The following MUC3A variants were observed in gnomAD, a reference collection of about 807,000 sequenced individuals.
MUC3A encodes mucin 3A, cell surface associated.
In MUC3A, 109 loss-of-function variants were observed where a neutral mutation model predicts 109.0. That is an observed-to-expected ratio of 1.00 (90% CI 0.86 to 1.17). The LOEUF (loss-of-function observed/expected upper bound fraction) is 1.17. Among genes scored for constraint, MUC3A ranks in the 50% most tolerant of loss-of-function variants. The pLI, the probability that MUC3A is intolerant of heterozygous loss-of-function variation, is 0.00. For synonymous variants in MUC3A, 1,398 were observed against 981.4 expected, an observed-to-expected ratio of 1.42 and a Z score of -7.93; for missense variants, 3,537 against 2,469.4, an observed-to-expected ratio of 1.43 and a Z score of -9.16.
intron 8 of MUC3A, 175 bp downstream of exon 8, chr7:100,966,041 T>G (rs1458054792): frequency 7.3e-5 from 22 of 300,538 alleles, no homozygotes; most frequent in Non-Finnish European, 1.1e-4. Context: ...GCCCTGGAGC[T>G]CTGCTCCTTT....
intron 8 of MUC3A, 89 bp from the exon 9 acceptor site, chr7:100,966,296 CG>C: frequency 8.0e-7 from 1 of 1,243,014 alleles, no homozygotes; most frequent in Non-Finnish European, 1.0e-6. Context: ...GCTGGAGCCC[CG>C]CCCCCTCACC....
Position 100,960,541 on chromosome 7 carries a change from AG to A in MUC3A, c.8763del (p.Thr2922HisfsTer24). 6.3e-7 allele frequency: 1 copy of A among 1,598,736 alleles called. No homozygotes were observed. Among genetic ancestry groups the A allele is most frequent in the Non-Finnish European group, 8.5e-7 (1 of 1,179,818 alleles). ...HPSPPTTRTS[E>X]TPVATTQTPT... ...TCCCCACCCACCACTAGGACTTCAG[AG>A]ACACCAGTGGCCACTACCCAGACTC... On this transcript the variant is annotated frameshift_variant, in exon 2 of 12. Coordinates refer to ENST00000379458, the MANE Select transcript of MUC3A (RefSeq NM_005960.2). LOFTEE classifies it high-confidence loss of function.
chr7:100,960,698 T>C (rs1792296891), intron 2 of MUC3A, 53 bp downstream of exon 2: 1 of 1,592,942 alleles, frequency 6.3e-7, no homozygotes, highest in South Asian at 1.1e-5. Flanking sequence ...AAAATTCCTG[T>C]GTCACTGAGG....
At position 100,957,616 on chromosome 7, in the gene MUC3A, C is replaced by T. The variant is rs1792135720; in HGVS notation, c.5837C>T (p.Thr1946Ile). The change falls in exon 2 of 12, where the codon ACC (threonine) becomes ATC (isoleucine). Residue 1946 changes from threonine (T) to isoleucine (I), a missense_variant. Transcript: ENST00000379458. ...ACTCCCAGATTCACTTCTTCAATCACCAATACCAAGACCACCTCACACAGC... is the reference window on the plus strand; with the variant it reads ...ACTCCCAGATTCACTTCTTCAATCATCAATACCAAGACCACCTCACACAGC... ...HSTPRFTSSI[T>I]NTKTTSHSSP... 6.8e-7 allele frequency: 1 copy of T among 1,474,662 alleles called. No homozygotes were observed. Among genetic ancestry groups the T allele is most frequent in the Non-Finnish European group, 8.9e-7 (1 of 1,125,698 alleles). The allele number at this position is 1,474,662 out of a possible 1,614,324, so 91.3% of individuals were successfully genotyped here.
rs753787832 is a variant in MUC3A at position 100,959,719 on chromosome 7, C to T, written c.7940C>T (p.Ser2647Leu). Reference sequence around the variant, plus strand: ...CTTCAAACAACTCCTTCTACTCCCTCATTGCAAACTTCACTCACATCTACA... The same window carrying T: ...CTTCAAACAACTCCTTCTACTCCCTTATTGCAAACTTCACTCACATCTACA... The part of the protein sequence containing the change: ...STLQTTPSTP[S>L]LQTSLTSTSE... Residue 2647 changes from serine (S) to leucine (L), a missense_variant, in exon 2 of 12, where the codon TCA becomes TTA. Coordinates refer to ENST00000379458, the MANE Select transcript of MUC3A (RefSeq NM_005960.2). 2 of 1,598,542 alleles carry T rather than the reference C, an allele frequency of 1.3e-6. No homozygotes were observed. Among genetic ancestry groups the T allele is most frequent in the Non-Finnish European group, 1.7e-6 (2 of 1,179,822 alleles).
rs1792126857 is a variant in MUC3A, at chr7:100,957,409, C to T, written c.5630C>T (p.Ser1877Phe). 1 of 733,594 alleles carries T rather than the reference C, an allele frequency of 1.4e-6. No individual in the cohort carries two copies. The highest frequency in any genetic ancestry group is 2.0e-6 in the Non-Finnish European group (1 of 502,142). The allele number at this position is 733,594 out of a possible 1,614,324, so 45.4% of individuals were successfully genotyped here. ...GTGACCTCTCTTCGACCCACCTCTT[C>T]CTCTCTCCTCACCACAGTAACAGCC... ...STVTSLRPTSSSLLTTVTATV... is the reference protein window; with the variant it reads ...STVTSLRPTSFSLLTTVTATV... The change falls in exon 2 of 12, where the codon TCC becomes TTC. Residue 1877 changes from serine to phenylalanine, a missense_variant. Transcript: ENST00000379458.
rs766297978 is a variant in MUC3A at position 100,952,114 on chromosome 7, T to C, written c.335T>C (p.Val112Ala). ...CCGACGTCCAAGTTTGCCTTCAAGG[T>C]TGAAACCACTCCACCCACCGTGTTG... ...TTPTSKFAFK[V>A]ETTPPTVLVY... The change falls in exon 2 of 12, where the codon GTT becomes GCT. Residue 112 changes from valine (V) to alanine (A), a missense_variant. Val to Ala is a moderately conservative substitution (Grantham distance 64). Coordinates refer to ENST00000379458, the MANE Select transcript of MUC3A (RefSeq NM_005960.2). The C allele has an allele frequency of 2.5e-6, 4 of 1,598,624 alleles. No individual in the cohort carries two copies.
Position 100,965,849 on chromosome 7 carries a change from G to T in MUC3A, c.9594G>T (p.Thr3198=), listed in dbSNP as rs587598237. Reference sequence around the variant, plus strand: ...ACCAGGGCCAGTGCGTTCTGGAGACGAGCGGTCCCACGTGTCGGTAAGGCC... The same window carrying T: ...ACCAGGGCCAGTGCGTTCTGGAGACTAGCGGTCCCACGTGTCGGTAAGGCC... ...DCHQGQCVLE[T]SGPTCRCYST... Residue 3198 remains threonine (T), a synonymous_variant, in exon 8 of 12, where the codon ACG becomes ACT. Coordinates refer to ENST00000379458, the MANE Select transcript of MUC3A (RefSeq NM_005960.2). 3.4e-5 allele frequency: 55 copies of T among 1,594,524 alleles called. No homozygotes were observed. The African/African-American group carries it at 6.7e-4, about 19-fold the overall frequency.
chr7:100,953,648 A>C lies in MUC3A; in HGVS notation c.1869A>C (p.Glu623Asp). The C allele has an allele frequency of 2.4e-6, 1 of 425,118 alleles. No individual in the cohort carries two copies. The highest frequency in any genetic ancestry group is 4.1e-6 in the Non-Finnish European group (1 of 241,800). 26.3% of individuals were successfully genotyped at this position (425,118 alleles called of 1,614,324 possible). A position where few individuals can be genotyped will look rare whatever the true frequency, so the allele number is the denominator to read the frequency against. The stretch of plus-strand genomic sequence containing the variant: ...CTCCTACAACTGACATGTCCACAGA[A>C]TCTCTCACAACAGCCATGACTTCTC... ...TPTPTTDMST[E>D]SLTTAMTSPP... Residue 623 changes from glutamate to aspartate, a missense_variant, in exon 2 of 12, where the codon GAA (glutamate) becomes GAC (aspartate). Transcript: ENST00000379458.
At position 100,960,621 on chromosome 7, in the gene MUC3A, C is replaced by T. The variant is rs1223005645; in HGVS notation, c.8842C>T (p.Gln2948Ter). 2.5e-6 allele frequency: 4 copies of T among 1,598,342 alleles called. No homozygotes were observed. The South Asian group carries it at 3.3e-5, about 13-fold the overall frequency. The change falls in exon 2 of 12, where the codon CAG becomes TAG. Residue 2948 changes from glutamine (Q) to a stop codon, truncating the protein, a stop_gained. Coordinates refer to ENST00000379458, the MANE Select transcript of MUC3A (RefSeq NM_005960.2). LOFTEE classifies it high-confidence loss of function. ...TCGCATCACTTCTCAGATGACCACA[C>T]AGTCCACGTTGACCACCACTGCAGG... is the stretch of plus-strand genomic sequence containing the variant. ...TTRITSQMTT[Q>*]STLTTTAGTC...
chr7:100,957,522 G>A lies in MUC3A; in HGVS notation c.5743G>A (p.Glu1915Lys), dbSNP rs1353096375. 46 of 1,249,934 alleles carry A rather than the reference G, an allele frequency of 3.7e-5. No homozygotes were observed. In the South Asian group the frequency reaches 4.3e-4, roughly 12 times the overall value. 77.4% of individuals were successfully genotyped at this position (1,249,934 alleles called of 1,614,324 possible). Residue 1915 changes from glutamate to lysine, a missense_variant, in exon 2 of 12, where the codon GAG (glutamate) becomes AAG (lysine). Transcript: ENST00000379458. Reference sequence around the variant, plus strand: ...CTTCACTTCTTCAATCGCAACCACCGAGACCCCCTCACACAGTACTCCCAG... The same window carrying A: ...CTTCACTTCTTCAATCGCAACCACCAAGACCCCCTCACACAGTACTCCCAG... Reference protein sequence around the residue: ...PSFTSSIATTETPSHSTPRFT... With the variant: ...PSFTSSIATTKTPSHSTPRFT...
rs779429461 is a variant in MUC3A at position 100,951,958 on chromosome 7, TC to T, written c.184del (p.Gln62SerfsTer15). ...GACCTGGCTGGGTGGCCACTTGGTG[TC>T]CCCCAGCTCGCCTCTCCTGCTCCTG... ...SRDLAGWPLGVPQLASPAPGH... is the reference protein window; with the variant it reads ...SRDLAGWPLGXPQLASPAPGH... On this transcript the variant is annotated frameshift_variant, in exon 2 of 12. Coordinates refer to ENST00000379458, the MANE Select transcript of MUC3A (RefSeq NM_005960.2). LOFTEE classifies it high-confidence loss of function. The T allele has an allele frequency of 5.0e-6, 8 of 1,598,618 alleles. No individual in the cohort carries two copies. In the South Asian group the frequency reaches 7.7e-5, roughly 15 times the overall value.
intron 3 of MUC3A, 59 bp from the exon 4 acceptor site, chr7:100,963,092 T>A: frequency 1.3e-6 from 2 of 1,543,776 alleles, no homozygotes; most frequent in Non-Finnish European, 1.7e-6. Context: ...GTGGTGGTGT[T>A]GGTGGCTTCA....
At chr7:100,962,639 T>C (rs1563072873) in intron 3 of MUC3A, among the ~76,000 whole-genome samples, 1 of 152,152 alleles carries the variant, frequency 6.6e-6, no homozygotes, top group Non-Finnish European at 1.5e-5. Flanking sequence ...TCTTCTTTCT[T>C]TTCTTCTTTT....
intron 3 of MUC3A, among the ~76,000 whole-genome samples, chr7:100,962,787 CTTTCTTTCTT>C (rs1563073042): frequency 2.5e-5 from 3 of 119,512 alleles, no homozygotes; most frequent in African/African-American, 3.3e-5. Flanking sequence ...CTTTCTTTCT[CTTTCTTTCTT>C]TCTCTCTCTC....
At position 100,953,945 on chromosome 7, in the gene MUC3A, C is replaced by T. The variant is rs1792036176; in HGVS notation, c.2166C>T (p.Ser722=). ...PNSPTGPGTN[S]TTEITYPTTM... The stretch of plus-strand genomic sequence containing the variant: ...CTCCGACTGGTCCTGGTACAAACTC[C>T]ACGACGGAAATCACCTATCCCACCA... The change falls in exon 2 of 12, where the codon TCC becomes TCT. Residue 722 remains serine (S), a synonymous_variant. Transcript: ENST00000379458. 1 of 447,612 alleles carries T rather than the reference C, an allele frequency of 2.2e-6. No individual in the cohort carries two copies. Among genetic ancestry groups the T allele is most frequent in the African/African-American group, 2.0e-5 (1 of 49,164 alleles). 27.7% of individuals were successfully genotyped at this position (447,612 alleles called of 1,614,324 possible).
chr7:100,966,891 C>T lies in MUC3A; in HGVS notation c.9878-8C>T. 1 of 1,598,544 alleles carries T rather than the reference C, an allele frequency of 6.3e-7. No homozygotes were observed. Among genetic ancestry groups the T allele is most frequent in the Non-Finnish European group, 8.5e-7 (1 of 1,179,820 alleles). On this transcript the variant is annotated splice_region_variant and splice_polypyrimidine_tract_variant and intron_variant, in intron 10 of 11. Coordinates refer to ENST00000379458, the MANE Select transcript of MUC3A (RefSeq NM_005960.2). Reference sequence around the variant, plus strand: ...CCCTTCTCTTTCTCCGCTCCTCTCTCTCTCTAGACAAGGATACAAATTTCT... The same window carrying T: ...CCCTTCTCTTTCTCCGCTCCTCTCTTTCTCTAGACAAGGATACAAATTTCT...
Position 100,953,107 on chromosome 7 carries a change from TC to T in MUC3A, c.1331del (p.Pro444LeufsTer19). On this transcript the variant is annotated frameshift_variant, in exon 2 of 12. Coordinates refer to ENST00000379458, the MANE Select transcript of MUC3A (RefSeq NM_005960.2). LOFTEE classifies it high-confidence loss of function. ...TMTPSSLSTDIPFTTPTTITH... is the reference protein window; with the variant it reads ...TMTPSSLSTDXPFTTPTTITH... Reference sequence around the variant, plus strand: ...ACCCCATCTTCTCTGAGTACAGACATCCCTTTCACAACACCAACAACTATCA... The same window carrying T: ...ACCCCATCTTCTCTGAGTACAGACATCCTTTCACAACACCAACAACTATCA... 1.1e-6 allele frequency: 1 copy of T among 897,924 alleles called. No homozygotes were observed. The highest frequency in any genetic ancestry group is 1.7e-6 in the Non-Finnish European group (1 of 592,656). The allele number at this position is 897,924 out of a possible 1,614,324, so 55.6% of individuals were successfully genotyped here. A position where few individuals can be genotyped will look rare whatever the true frequency, so the allele number is the denominator to read the frequency against.
rs1584803790 is a variant in MUC3A, at chr7:100,958,663, C to A, written c.6884C>A (p.Thr2295Asn). The change falls in exon 2 of 12, where the codon ACC (threonine) becomes AAC (asparagine). Residue 2295 changes from threonine to asparagine, a missense_variant. Thr to Asn is a moderately conservative substitution (Grantham distance 65, BLOSUM62 0). Coordinates refer to ENST00000379458, the MANE Select transcript of MUC3A (RefSeq NM_005960.2). ...ACTCCCAGCTCCACTTCTTTAATCACCACCACCAAGACCACCTCACACAGT... is the reference window on the plus strand; with the variant it reads ...ACTCCCAGCTCCACTTCTTTAATCAACACCACCAAGACCACCTCACACAGT... ...HSTPSSTSLI[T>N]TTKTTSHSTP... is the part of the protein sequence containing the mutation. The A allele has an allele frequency of 6.4e-7, 1 of 1,570,412 alleles. No individual in the cohort carries two copies. The highest frequency in any genetic ancestry group is 1.4e-5 in the African/African-American group (1 of 73,774).
Sources: gnomAD v4.1 joint callset for allele counts (sites outside exome capture counted in the v4.1 genomes callset) on GRCh38, gnomAD v4.1.1 for gene constraint, MANE v1.5 for transcripts, NCBI Gene and HGNC (gene_info 2026-07-23, HGNC 2026-07-21) for gene names.